The following PLXNA1 variants were observed in gnomAD, a reference collection of about 807,000 sequenced individuals.
The protein encoded by PLXNA1 is plexin A1, also known as plexin-A1.
PLXNA1 carries 77 observed loss-of-function variants against 191.7 expected under a neutral mutation model. That is an observed-to-expected ratio of 0.40 (90% CI 0.33 to 0.49). The LOEUF (loss-of-function observed/expected upper bound fraction) is 0.49. Among genes scored for constraint, PLXNA1 ranks in the 20% least tolerant of loss-of-function variants. The pLI, the probability that PLXNA1 is intolerant of heterozygous loss-of-function variation, is 0.63. For synonymous variants in PLXNA1, 1,137 were observed against 1,156.4 expected, an observed-to-expected ratio of 0.98 and a Z score of 0.34; for missense variants, 2,110 against 2,660.2, an observed-to-expected ratio of 0.79 and a Z score of 4.55.
chr3:127,027,505 C>T, intron 23 of PLXNA1: 2 of 370,566 alleles, frequency 5.4e-6, no homozygotes, highest in South Asian at 4.1e-5. Context: ...TCCGCTTGTG[C>T]CATGGGCGGT....
chr3:126,988,568 A>G lies in PLXNA1; in HGVS notation c.-26A>G. The G allele has an allele frequency of 6.8e-7, 1 of 1,461,104 alleles. No individual in the cohort carries two copies. The highest frequency in any genetic ancestry group is 9.0e-7 in the Non-Finnish European group (1 of 1,110,118). The allele number at this position is 1,461,104 out of a possible 1,614,324, so 90.5% of individuals were successfully genotyped here. On this transcript the variant is annotated 5_prime_UTR_variant, in exon 2 of 32. Coordinates refer to ENST00000393409, the MANE Select transcript of PLXNA1 (RefSeq NM_032242.4). The stretch of plus-strand genomic sequence containing the variant: ...ATGCTCACCCCAGCAGGACCAGAGC[A>G]CCGAGGCCCAAGGCCCCAGCCTGCC...
chr3:127,029,589 C>T (rs550642221), intron 27 of PLXNA1, 53 bp downstream of exon 27: 3 of 1,564,938 alleles, frequency 1.9e-6, no homozygotes, highest in African/African-American at 2.7e-5. Context: ...CTGGCCTGGG[C>T]AGGACGTCCC....
At chr3:127,030,689 G>T (rs192498144) in intron 29 of PLXNA1, among the ~76,000 whole-genome samples, 1 of 152,358 alleles carries the variant, frequency 6.6e-6, no homozygotes, top group African/African-American at 2.4e-5. Flanking sequence ...GTGCACAGCT[G>T]TGCGGACATG....
rs2079060835 is a variant in PLXNA1, at chr3:127,005,258, C to A, written c.1897+15C>A. On this transcript the variant is annotated intron_variant, in intron 7 of 31. Coordinates refer to ENST00000393409, the MANE Select transcript of PLXNA1 (RefSeq NM_032242.4). Reference sequence around the variant, plus strand: ...GCGGGGCCAGGGTGAGTGGCCCCAACACAATGGTGCCCGCTGCCTGGCCAG... The same window carrying A: ...GCGGGGCCAGGGTGAGTGGCCCCAAAACAATGGTGCCCGCTGCCTGGCCAG... 1.9e-6 allele frequency: 3 copies of A among 1,595,570 alleles called. No individual in the cohort carries two copies. The highest frequency in any genetic ancestry group is 8.5e-7 in the Non-Finnish European group (1 of 1,171,660).
At position 127,033,965 on chromosome 3, in the gene PLXNA1, G is replaced by C. The variant is rs755300042; in HGVS notation, c.5639G>C (p.Arg1880Pro). 6.2e-7 allele frequency: 1 copy of C among 1,606,172 alleles called. No homozygotes were observed. The highest frequency in any genetic ancestry group is 1.7e-5 in the Admixed American group (1 of 59,214). The change falls in exon 32 of 32, where the codon CGG becomes CCG. Residue 1880 changes from arginine to proline, a missense_variant. Coordinates refer to ENST00000393409, the MANE Select transcript of PLXNA1 (RefSeq NM_032242.4). The stretch of plus-strand genomic sequence containing the variant: ...AAGGATGAGCAGGCGCGGCGGCAGC[G>C]GCTGCGGAGCAAGCTGGAGCAGGTG... The part of the protein sequence containing the change: ...LEKDEQARRQ[R>P]LRSKLEQVVD...
chr3:127,031,495 C>G (rs1222444489), intron 29 of PLXNA1, among the ~76,000 whole-genome samples: 1 of 152,148 alleles, frequency 6.6e-6, no homozygotes, highest in Non-Finnish European at 1.5e-5. Flanking sequence ...GGGTCTCCCC[C>G]CAGTTCTGTG....
chr3:127,009,175 G>T (rs895893849), intron 9 of PLXNA1, among the ~76,000 whole-genome samples: 1 of 152,074 alleles, frequency 6.6e-6, no homozygotes, highest in Non-Finnish European at 1.5e-5. Context: ...TCGAGCAGTG[G>T]GGGGCAGCAC....
intron 1 of PLXNA1, among the ~76,000 whole-genome samples, chr3:126,984,314 A>C (rs2107618509): frequency 6.6e-6 from 1 of 152,078 alleles, no homozygotes; most frequent in Admixed American, 6.5e-5. Context: ...CGGGGAGGGG[A>C]CGTGGTCGAG....
In PLXNA1 at chr3:127,027,587, G is replaced by T. The variant is rs956514493; in HGVS notation, c.4363-353G>T. 45 of 446,322 alleles carry T rather than the reference G, an allele frequency of 1.0e-4. 1 individual carries two copies. Among genetic ancestry groups the T allele is most frequent in the African/African-American group, 8.7e-4 (44 of 50,542 alleles). The allele number at this position is 446,322 out of a possible 1,614,324, so 27.6% of individuals were successfully genotyped here. ...CCCCTGGGAGGCTGGAGCTAGGCGG[G>T]GATCCTGCTGAGACCAGGGGAGACT... On this transcript the variant is annotated intron_variant, in intron 23 of 31. Transcript: ENST00000393409.
At chr3:127,006,913 T>C (rs963993384) in intron 8 of PLXNA1, among the ~76,000 whole-genome samples, 3 of 152,242 alleles carry the variant, frequency 2.0e-5, no homozygotes, top group Non-Finnish European at 2.9e-5. Flanking sequence ...GGACCCAGGC[T>C]GAGGCAGTAG....
At chr3:126,986,300 G>A (rs898978181) in intron 1 of PLXNA1, among the ~76,000 whole-genome samples, 7 of 152,200 alleles carry the variant, frequency 4.6e-5, no homozygotes, top group Non-Finnish European at 7.3e-5. Context: ...AGGCGGGGGC[G>A]GGAGTGGGGA....
chr3:127,032,378 C>T lies in PLXNA1; in HGVS notation c.5232-9C>T, dbSNP rs370468399. ...CCTATCTGAGCAGCGCCTGGACTCT[C>T]GCCTGCAGCCTGCCCCTGCGCTTCT... On this transcript the variant is annotated splice_polypyrimidine_tract_variant and intron_variant, in intron 29 of 31. Transcript: ENST00000393409. The T allele has an allele frequency of 2.3e-4, 376 of 1,613,066 alleles. 2 individuals carry two copies. In the African/African-American group the frequency reaches 4.3e-3, roughly 18 times the overall value.
In PLXNA1 at chr3:127,034,080, CCCT is replaced by C; in HGVS notation, c.*65_*67del. On this transcript the variant is annotated 3_prime_UTR_variant, in exon 32 of 32. Transcript: ENST00000393409. ...GACAGCTGAGCAGGGACCGGGACAG[CCCT>C]CACCGCATGCGTGTGGAGTGTCCGG... 1 of 1,420,088 alleles carries C rather than the reference CCCT, an allele frequency of 7.0e-7. No homozygotes were observed. The highest frequency in any genetic ancestry group is 1.3e-5 in the South Asian group (1 of 78,052). 88.0% of individuals were successfully genotyped at this position (1,420,088 alleles called of 1,614,324 possible).
At chr3:127,021,964 C>T (rs914776511) in intron 21 of PLXNA1, 121 bp from the exon 22 acceptor site, 46 of 1,428,846 alleles carry the variant, frequency 3.2e-5, no homozygotes, top group Non-Finnish European at 1.8e-5. Context: ...CACTTGCCTT[C>T]CAGGCCTGTC....
chr3:126,985,584 C>T (rs898480825), intron 1 of PLXNA1, among the ~76,000 whole-genome samples: 1 of 151,976 alleles, frequency 6.6e-6, no homozygotes, highest in Non-Finnish European at 1.5e-5. Context: ...GCCACAGTGG[C>T]CAGCTCTGCT....
At chr3:127,013,753 G>T (rs986829209) in intron 10 of PLXNA1, among the ~76,000 whole-genome samples, 2 of 152,228 alleles carry the variant, frequency 1.3e-5, no homozygotes, top group African/African-American at 4.8e-5. Flanking sequence ...GCCTGTGGTT[G>T]GAGGTGGTCT....
chr3:127,026,830 A>G (rs1312223056), intron 23 of PLXNA1: 1 of 151,376 alleles, frequency 6.6e-6, no homozygotes, highest in Non-Finnish European at 1.5e-5. Flanking sequence ...CAGGACCTAC[A>G]GTGGACCCCA....
intron 3 of PLXNA1, among the ~76,000 whole-genome samples, chr3:126,994,848 G>A (rs944663463): frequency 5.3e-5 from 8 of 152,198 alleles, no homozygotes; most frequent in Admixed American, 3.9e-4. Flanking sequence ...CCGGGCCCCG[G>A]GGCTCCCTCC....
Position 126,991,512 on chromosome 3 carries a change from C to T in PLXNA1, c.1323C>T (p.Asp441=). 1.2e-6 allele frequency: 2 copies of T among 1,611,992 alleles called. No individual in the cohort carries two copies. The highest frequency in any genetic ancestry group is 3.3e-4 in the Middle Eastern group (2 of 6,028). ...DDGLTAVAAY[D]YRGRTVVFAG... Reference sequence around the variant, plus strand: ...GCCTGACCGCCGTGGCTGCCTATGACTATCGGGGCCGCACTGTGGTATTCG... The same window carrying T: ...GCCTGACCGCCGTGGCTGCCTATGATTATCGGGGCCGCACTGTGGTATTCG... The change falls in exon 3 of 32, where the codon GAC becomes GAT. Residue 441 remains aspartate, a synonymous_variant. Transcript: ENST00000393409.
Sources: gnomAD v4.1 joint callset for allele counts (sites outside exome capture counted in the v4.1 genomes callset) on GRCh38, gnomAD v4.1.1 for gene constraint, MANE v1.5 for transcripts, NCBI Gene and HGNC (gene_info 2026-07-23, HGNC 2026-07-21) for gene names.